PLRG1: variants seen among roughly 807,000 people sequenced by gnomAD.
The protein encoded by PLRG1 is pleiotropic regulator 1.
In PLRG1, 28 loss-of-function variants were observed where a neutral mutation model predicts 74.9. The observed-to-expected ratio is 0.37, with a 90% confidence interval of 0.28 to 0.51. The LOEUF is 0.51. Ranked by LOEUF, PLRG1 falls within the 20% of genes least tolerant of loss-of-function variation. The pLI is 0.91. For synonymous variants in PLRG1, 197 were observed against 212.4 expected, an observed-to-expected ratio of 0.93 and a Z score of 0.63; for missense variants, 445 against 631.9, an observed-to-expected ratio of 0.70 and a Z score of 3.17.
At chr4:154,547,980 A>G (rs1729690394) in intron 2 of PLRG1, 127 bp from the exon 3 acceptor site, 1 of 660,000 alleles carries the variant, frequency 1.5e-6, no homozygotes, top group East Asian at 2.9e-5. Flanking sequence ...AAAGAATCAA[A>G]AATTTCCAAG....
intron 3 of PLRG1, chr4:154,547,500 A>G (rs1729679565): frequency 1.7e-6 from 1 of 581,268 alleles, no homozygotes; most frequent in Admixed American, 3.2e-5. Context: ...AATCTCTGCC[A>G]TCATTATACT....
Position 154,547,761 on chromosome 4 carries a change from G to C in PLRG1, c.209C>G (p.Pro70Arg). The C allele has an allele frequency of 4.3e-6, 7 of 1,612,850 alleles. No individual in the cohort carries two copies. Among genetic ancestry groups the C allele is most frequent in the Non-Finnish European group, 5.9e-6 (7 of 1,178,970 alleles). ...TSKENLKEKGPQNATDSYVHK... is the reference protein window; with the variant it reads ...TSKENLKEKGRQNATDSYVHK... ...AACATATGAATCCGTTGCATTCTGA[G>C]GACCCTTCTCTTTAAGATTTTCTTT... Residue 70 changes from proline to arginine, a missense_variant, in exon 3 of 15, where the codon CCT (proline) becomes CGT (arginine). Transcript: ENST00000499023.
chr4:154,545,102 A>T (rs7680155), intron 6 of PLRG1, among the ~76,000 whole-genome samples: 46,483 of 152,078 alleles, frequency 0.31, 7,316 homozygotes, highest in Middle Eastern at 0.39. Flanking sequence ...AGTCATCCAA[A>T]ACATAAATAA....
intron 13 of PLRG1, 171 bp from the exon 14 acceptor site, chr4:154,537,650 G>A: frequency 1.9e-6 from 1 of 530,190 alleles, no homozygotes; most frequent in African/African-American, 1.9e-5. Context: ...ATTTGGGCTG[G>A]GTTCAGAACT....
At position 154,540,719 on chromosome 4, in the gene PLRG1, A is replaced by T; in HGVS notation, c.838-24T>A. Reference sequence around the variant, plus strand: ...ACCTAAAGACAAAGCAGGAAAGTTAAAACTTCTAGAATTAGAAAGATAAAT... The same window carrying T: ...ACCTAAAGACAAAGCAGGAAAGTTATAACTTCTAGAATTAGAAAGATAAAT... On this transcript the variant is annotated intron_variant, in intron 9 of 14. Coordinates refer to ENST00000499023, the MANE Select transcript of PLRG1 (RefSeq NM_002669.4). The T allele has an allele frequency of 1.9e-6, 3 of 1,609,692 alleles. No individual in the cohort carries two copies. In the Admixed American group the frequency reaches 5.0e-5, roughly 27 times the overall value.
Position 154,536,761 on chromosome 4 carries a change from G to C in PLRG1, c.1486-17C>G, listed in dbSNP as rs758962686. The C allele has an allele frequency of 7.2e-7, 1 of 1,384,496 alleles. No homozygotes were observed. Among genetic ancestry groups the C allele is most frequent in the Non-Finnish European group, 1.0e-6 (1 of 1,000,516 alleles). The allele number at this position is 1,384,496 out of a possible 1,614,324, so 85.8% of individuals were successfully genotyped here. Reference sequence around the variant, plus strand: ...TTCTTCTGTCTAAAAATAGAAAAGTGAGTTAAAATAAAGTATTATTAGTTT... The same window carrying C: ...TTCTTCTGTCTAAAAATAGAAAAGTCAGTTAAAATAAAGTATTATTAGTTT... On this transcript the variant is annotated splice_polypyrimidine_tract_variant and intron_variant, in intron 14 of 14. Transcript: ENST00000499023.
At position 154,547,779 on chromosome 4, in the gene PLRG1, T is replaced by C. The variant is rs981483963; in HGVS notation, c.191A>G (p.Asn64Ser). Residue 64 changes from asparagine to serine, a missense_variant, in exon 3 of 15, where the codon AAT (asparagine) becomes AGT (serine). Asn to Ser is a conservative substitution (Grantham distance 46). Around this residue, in one of 3 missense-constraint regions of PLRG1, gnomAD observed 206 missense variants for 210.8 expected, o/e 0.98. Transcript: ENST00000499023. ...ATTCTGAGGACCCTTCTCTTTAAGATTTTCTTTTGAAGTAGGCATATGCAA... is the reference window on the plus strand; with the variant it reads ...ATTCTGAGGACCCTTCTCTTTAAGACTTTCTTTTGAAGTAGGCATATGCAA... ...PVLHMPTSKENLKEKGPQNAT... is the reference protein window; with the variant it reads ...PVLHMPTSKESLKEKGPQNAT... 12 of 1,613,224 alleles carry C rather than the reference T, an allele frequency of 7.4e-6. No individual in the cohort carries two copies. The highest frequency in any genetic ancestry group is 1.7e-5 in the Admixed American group (1 of 60,000).
intron 1 of PLRG1, among the ~76,000 whole-genome samples, chr4:154,549,345 G>A (rs879208032): frequency 2.6e-5 from 4 of 152,214 alleles, no homozygotes; most frequent in African/African-American, 9.7e-5. Context: ...CTGAGTCAGG[G>A]AATGAAGGAC....
At chr4:154,542,681 CAATGG>C (rs1729575693) in intron 7 of PLRG1, among the ~76,000 whole-genome samples, 1 of 152,060 alleles carries the variant, frequency 6.6e-6, no homozygotes, top group Non-Finnish European at 1.5e-5. Flanking sequence ...TACATACACA[CAATGG>C]AATACTATTC....
At chr4:154,543,082 A>G (rs1729583405) in intron 7 of PLRG1, among the ~76,000 whole-genome samples, 1 of 152,158 alleles carries the variant, frequency 6.6e-6, no homozygotes. Context: ...GTAAAATTGG[A>G]ATGTTCCTAA....
intron 1 of PLRG1, 81 bp downstream of exon 1, chr4:154,550,219 G>A (rs899349114): frequency 1.7e-5 from 20 of 1,206,794 alleles, no homozygotes; most frequent in Non-Finnish European, 2.5e-5. Context: ...TGGACTCCAA[G>A]TACTCTCAAT....
At position 154,548,942 on chromosome 4, in the gene PLRG1, A is replaced by G. The variant is rs929181108; in HGVS notation, c.10-7T>C. ...CAGAATGTTTCTGTACCTCCTAAAAAAAAAGAATGTAATTACACACCTATC... is the reference window on the plus strand; with the variant it reads ...CAGAATGTTTCTGTACCTCCTAAAAGAAAAGAATGTAATTACACACCTATC... On this transcript the variant is annotated splice_polypyrimidine_tract_variant and splice_region_variant and intron_variant, in intron 1 of 14. Transcript: ENST00000499023. 2 of 1,489,588 alleles carry G rather than the reference A, an allele frequency of 1.3e-6. No homozygotes were observed. Among genetic ancestry groups the G allele is most frequent in the Non-Finnish European group, 9.4e-7 (1 of 1,066,808 alleles). The allele number at this position is 1,489,588 out of a possible 1,614,324, so 92.3% of individuals were successfully genotyped here.
chr4:154,543,018 T>C (rs1405151533), intron 7 of PLRG1, among the ~76,000 whole-genome samples: 1 of 152,188 alleles, frequency 6.6e-6, no homozygotes, highest in Non-Finnish European at 1.5e-5. Flanking sequence ...GGTAGCACAA[T>C]AGAGTGACTA....
chr4:154,544,988 T>C lies in PLRG1; in HGVS notation c.493-442A>G, dbSNP rs1729622810. ...ATATTTTAACATTATTGGTTTAATA[T>C]AGCAAAGACTGACAGTTCCTTCTAT... On this transcript the variant is annotated intron_variant, in intron 6 of 14. Coordinates refer to ENST00000499023, the MANE Select transcript of PLRG1 (RefSeq NM_002669.4). Among the ~76,000 whole-genome samples, 5 of 152,234 alleles carry C rather than the reference T, an allele frequency of 3.3e-5. No homozygotes were observed. The South Asian group carries it at 8.3e-4, about 25-fold the overall frequency.
intron 8 of PLRG1, chr4:154,541,930 A>C: frequency 2.4e-6 from 1 of 413,980 alleles, no homozygotes; most frequent in Non-Finnish European, 4.4e-6. Context: ...TTTTGTAACC[A>C]GTTGGAGAGA....
chr4:154,544,477 G>C lies in PLRG1; in HGVS notation c.562C>G (p.Pro188Ala). The change falls in exon 7 of 15, where the codon CCC (proline) becomes GCC (alanine). Residue 188 changes from proline to alanine, a missense_variant. Physicochemically the swap from Pro to Ala is conservative, Grantham distance 27. Around this residue, in one of 3 missense-constraint regions of PLRG1, gnomAD observed 206 missense variants for 210.8 expected, o/e 0.98. Coordinates refer to ENST00000499023, the MANE Select transcript of PLRG1 (RefSeq NM_002669.4). ...MAKKAPTMPKPQWHPPWKLYR... is the reference protein window; with the variant it reads ...MAKKAPTMPKAQWHPPWKLYR... ...AGTTTCCACGGTGGGTGCCACTGGG[G>C]TTTTGGCATTGTAGGGGCTTTTTTA... The C allele has an allele frequency of 6.2e-7, 1 of 1,610,824 alleles. No individual in the cohort carries two copies. Among genetic ancestry groups the C allele is most frequent in the Non-Finnish European group, 8.5e-7 (1 of 1,177,172 alleles).
At position 154,535,286 on chromosome 4, in the gene PLRG1, A is replaced by C. The variant is rs1450348347; in HGVS notation, c.*1399T>G. 3 of 151,944 alleles carry C rather than the reference A, an allele frequency of 2.0e-5. No individual in the cohort carries two copies. The highest frequency in any genetic ancestry group is 7.2e-5 in the African/African-American group (3 of 41,380). The allele number at this position is 151,944 out of a possible 1,614,324, so 9.4% of individuals were successfully genotyped here. A position where few individuals can be genotyped will look rare whatever the true frequency, so the allele number is the denominator to read the frequency against. On this transcript the variant is annotated 3_prime_UTR_variant, in exon 15 of 15. Transcript: ENST00000499023. ...ACTTAGAAACAAATTGCATAAAGGT[A>C]CCATCTATTAAACCAGTCCCTTACT...
chr4:154,541,000 G>A, intron 8 of PLRG1, 66 bp from the exon 9 acceptor site: 1 of 1,171,424 alleles, frequency 8.5e-7, no homozygotes, highest in Non-Finnish European at 1.2e-6. Context: ...TTAGAAACCT[G>A]ATTATTAAAA....
In PLRG1 at chr4:154,535,528, G is replaced by C. The variant is rs1578763995; in HGVS notation, c.*1157C>G. 1 of 150,360 alleles carries C rather than the reference G, an allele frequency of 6.7e-6. No individual in the cohort carries two copies. Among genetic ancestry groups the C allele is most frequent in the African/African-American group, 2.5e-5 (1 of 40,768 alleles). The allele number at this position is 150,360 out of a possible 1,614,324, so 9.3% of individuals were successfully genotyped here. A position where few individuals can be genotyped will look rare whatever the true frequency, so the allele number is the denominator to read the frequency against. ...GCATACAAGATGGGTAATGTAATTGGAAGTGCTTGTTCAAAATCATGGTGC... is the reference window on the plus strand; with the variant it reads ...GCATACAAGATGGGTAATGTAATTGCAAGTGCTTGTTCAAAATCATGGTGC... On this transcript the variant is annotated 3_prime_UTR_variant, in exon 15 of 15. Transcript: ENST00000499023.
Sources: allele counts gnomAD v4.1 joint callset (sites outside exome capture counted in the v4.1 genomes callset), GRCh38; gene constraint gnomAD v4.1.1; regional missense constraint gnomAD v4.1.1; transcripts MANE v1.5; gene names NCBI Gene and HGNC (gene_info 2026-07-23, HGNC 2026-07-21).